PHC2: variants seen among roughly 807,000 people sequenced by gnomAD.
The protein encoded by PHC2 is polyhomeotic homolog 2.
In PHC2, 29 loss-of-function variants were observed where a neutral mutation model predicts 87.4. That is an observed-to-expected ratio of 0.33 (90% CI 0.25 to 0.45). The LOEUF is 0.45. Ranked by LOEUF, PHC2 falls within the 20% of genes least tolerant of loss-of-function variation. The probability of loss-of-function intolerance (pLI) is 1.00; values close to 1 mark genes in which losing one functional copy is unlikely to be tolerated. For missense variants in PHC2, 857 were observed against 1,136.7 expected, an observed-to-expected ratio of 0.75 and a Z score of 3.54; for synonymous variants, 438 against 461.7, an observed-to-expected ratio of 0.95 and a Z score of 0.66.
intron 7 of PHC2, among the ~76,000 whole-genome samples, chr1:33,362,174 T>C (rs753932244): frequency 2.0e-5 from 3 of 152,212 alleles, no homozygotes; most frequent in Non-Finnish European, 4.4e-5. Flanking sequence ...ACATACTTGT[T>C]AGTATCAAAT....
At position 33,332,218 on chromosome 1, in the gene PHC2, G is replaced by A. The variant is rs915637301; in HGVS notation, c.1891+57C>T. 2 of 1,606,058 alleles carry A rather than the reference G, an allele frequency of 1.2e-6. No homozygotes were observed. The highest frequency in any genetic ancestry group is 3.3e-5 in the Admixed American group (2 of 59,888). ...GGAAACAGAGAGAGGAAGTGTGTGAGGCCTGCCTTTCCAGCCACGCTGGGA... is the reference window on the plus strand; with the variant it reads ...GGAAACAGAGAGAGGAAGTGTGTGAAGCCTGCCTTTCCAGCCACGCTGGGA... On this transcript the variant is annotated intron_variant, in intron 11 of 14. Transcript: ENST00000683057. The surrounding 1 kb of genome is among the most constrained non-coding windows in gnomAD (Gnocchi z 4.2).
chr1:33,353,646 A>T (rs1647015128), intron 9 of PHC2, among the ~76,000 whole-genome samples: 1 of 151,254 alleles, frequency 6.6e-6, no homozygotes. Context: ...CCCCGCCCCT[A>T]CCCCCTCAGC....
At chr1:33,378,489 A>G in intron 1 of PHC2, among the ~76,000 whole-genome samples, 1 of 152,208 alleles carries the variant, frequency 6.6e-6, no homozygotes, top group Non-Finnish European at 1.5e-5. Context: ...TTTTCATTAC[A>G]CACTGGAAAA....
chr1:33,324,943 G>A lies in PHC2; in HGVS notation c.2502C>T (p.His834=). 1 of 1,614,052 alleles carries A rather than the reference G, an allele frequency of 6.2e-7. No individual in the cohort carries two copies. The highest frequency in any genetic ancestry group is 8.5e-7 in the Non-Finnish European group (1 of 1,179,936). The change falls in exon 15 of 15, where the codon CAC becomes CAT. Residue 834 remains histidine (H), a synonymous_variant. Transcript: ENST00000683057. ...GCTTGATGTTCATGGCGCTCATCAGGTGGTCCTCCTTGAGCAGCAGCAGGG... is the reference window on the plus strand; with the variant it reads ...GCTTGATGTTCATGGCGCTCATCAGATGGTCCTCCTTGAGCAGCAGCAGGG... ...GQALLLLKED[H]LMSAMNIKLG...
At chr1:33,423,184 G>T (rs1213277890) in intron 1 of PHC2, among the ~76,000 whole-genome samples, 1 of 152,062 alleles carries the variant, frequency 6.6e-6, no homozygotes, top group Non-Finnish European at 1.5e-5. Flanking sequence ...AAGATACTGT[G>T]CTTGGAACAT....
rs112821488 is a variant in PHC2, at chr1:33,410,968, T to C, written c.-55+20008A>G. On this transcript the variant is annotated intron_variant, in intron 1 of 14. Transcript: ENST00000683057. The stretch of plus-strand genomic sequence containing the variant: ...TAACTATGGGGGTCCTTGTTTTGTT[T>C]ATCACCCAATGAAGAACCAAGTCTT... 6.1e-3 allele frequency among the ~76,000 whole-genome samples: 924 copies of C among 152,298 alleles called. 16 individuals are homozygous for C. Among genetic ancestry groups the C allele is most frequent in the African/African-American group, 0.021 (887 of 41,546 alleles).
At chr1:33,386,779 AGTGCGCACACACATCACAGT>A (rs1334984294) in intron 1 of PHC2, among the ~76,000 whole-genome samples, 4 of 152,146 alleles carry the variant, frequency 2.6e-5, no homozygotes, top group Non-Finnish European at 5.9e-5. Context: ...CACAGCACAC[AGTGCGCACACACATCACAGT>A]GTGCGCACAC....
chr1:33,426,317 T>TGG (rs34820645), intron 1 of PHC2, among the ~76,000 whole-genome samples: 51 of 149,300 alleles, frequency 3.4e-4, no homozygotes, highest in South Asian at 2.6e-3. Flanking sequence ...TCAAAGCTGC[T>TGG]GGGGGGGGGT....
In PHC2 at chr1:33,356,291, ATATT is replaced by A. The variant is rs1253973971; in HGVS notation, c.977-1042_977-1039del. Among the ~76,000 whole-genome samples the A allele has an allele frequency of 4.3e-5, 6 of 139,594 alleles. 1 individual carries two copies. Among genetic ancestry groups the A allele is most frequent in the African/African-American group, 1.1e-4 (4 of 37,046 alleles). 91.6% of individuals were successfully genotyped at this position (139,594 alleles called of 152,430 possible). On this transcript the variant is annotated intron_variant, in intron 7 of 14. Transcript: ENST00000683057. ...TATATATATATGTATATATATATAT[ATATT>A]TATTTATTTAGTATTTATTGATCAT...
chr1:33,380,129 A>G (rs1648423219), intron 1 of PHC2, among the ~76,000 whole-genome samples: 1 of 151,850 alleles, frequency 6.6e-6, no homozygotes, highest in Admixed American at 6.6e-5. Flanking sequence ...GTGCTCTCTC[A>G]CTCTCTTGAC....
chr1:33,358,364 C>T (rs1458551267), intron 7 of PHC2, among the ~76,000 whole-genome samples: 1 of 152,096 alleles, frequency 6.6e-6, no homozygotes, highest in Non-Finnish European at 1.5e-5. Context: ...GGCTACTATA[C>T]ACCAAGGCTG....
chr1:33,379,787 C>T (rs902167125), intron 1 of PHC2, among the ~76,000 whole-genome samples: 5 of 151,660 alleles, frequency 3.3e-5, no homozygotes, highest in African/African-American at 7.3e-5. Context: ...CTGGTAGCTC[C>T]GTTTCCCTCT....
chr1:33,421,277 G>C (rs1397183787), intron 1 of PHC2, among the ~76,000 whole-genome samples: 1 of 152,050 alleles, frequency 6.6e-6, no homozygotes, highest in African/African-American at 2.4e-5. Context: ...CAGGAAAAGA[G>C]GAATAAAGAC....
At chr1:33,419,610 CTCTT>C (rs1048653263) in intron 1 of PHC2, among the ~76,000 whole-genome samples, 11 of 151,828 alleles carry the variant, frequency 7.2e-5, no homozygotes, top group South Asian at 4.2e-4. Flanking sequence ...CTGCCTCTCT[CTCTT>C]TCTTATTTTT....
intron 1 of PHC2, among the ~76,000 whole-genome samples, chr1:33,416,227 A>C (rs1202425274): frequency 6.6e-6 from 1 of 152,194 alleles, no homozygotes; most frequent in African/African-American, 2.4e-5. Flanking sequence ...GAAAACCTTA[A>C]AAGTAACCAG....
rs1646317187 is a variant in PHC2 at position 33,323,877 on chromosome 1, T to A, written c.*988A>T. 6.6e-6 allele frequency: 1 copy of A among 152,470 alleles called. No homozygotes were observed. Among genetic ancestry groups the A allele is most frequent in the African/African-American group, 2.4e-5 (1 of 41,460 alleles). 9.4% of individuals were successfully genotyped at this position (152,470 alleles called of 1,614,324 possible). A position where few individuals can be genotyped will look rare whatever the true frequency, so the allele number is the denominator to read the frequency against. On this transcript the variant is annotated 3_prime_UTR_variant, in exon 15 of 15. Transcript: ENST00000683057. ...TGGGAGTGGGAGGCCAAGAGCTGCC[T>A]TCTTCACATCAACAGAAACTCCAGC...
At chr1:33,356,474 A>AT (rs1647088689) in intron 7 of PHC2, among the ~76,000 whole-genome samples, 1 of 150,552 alleles carries the variant, frequency 6.6e-6, no homozygotes, top group African/African-American at 2.4e-5. Flanking sequence ...GGTACTTGAG[A>AT]TTAGGGAGCG....
In PHC2 at chr1:33,332,332, G is replaced by C. The variant is rs1646518952; in HGVS notation, c.1834C>G (p.Pro612Ala). 1 of 1,614,162 alleles carries C rather than the reference G, an allele frequency of 6.2e-7. No individual in the cohort carries two copies. The change falls in exon 11 of 15, where the codon CCA (proline) becomes GCA (alanine). Residue 612 changes from proline to alanine, a missense_variant. Physicochemically the swap from Pro to Ala is conservative, Grantham distance 27. Coordinates refer to ENST00000683057, the MANE Select transcript of PHC2 (RefSeq NM_001385109.1). This position sits in a 1 kb window ranked among gnomAD's most constrained non-coding sequence, Gnocchi z 4.2. ...GTGGTGGTGGTGTGATCCTGCTGTG[G>C]AAGTTTCTCAGGCAGGAACCCCTGT... Reference protein sequence around the residue: ...YAQGFLPEKLPQQDHTTTTDS... With the variant: ...YAQGFLPEKLAQQDHTTTTDS...
At chr1:33,346,421 T>C (rs1341830543) in intron 9 of PHC2, 3 of 985,296 alleles carry the variant, frequency 3.0e-6, no homozygotes, top group African/African-American at 3.5e-5. Context: ...CTATCAATTA[T>C]GAAGACTCCT....
Sources: gnomAD v4.1 joint callset for allele counts (sites outside exome capture counted in the v4.1 genomes callset) on GRCh38, gnomAD v4.1.1 for gene constraint, Gnocchi (gnomAD v3.1) non-coding constraint, MANE v1.5 for transcripts, NCBI Gene and HGNC (gene_info 2026-07-23, HGNC 2026-07-21) for gene names.